Variants in TAFA4 observed in about 807,000 individuals in gnomAD.
The protein encoded by TAFA4 is chemokine-like protein TAFA-4.
Under a neutral mutation model 21.1 loss-of-function variants are expected in TAFA4, and 20 were observed. The observed-to-expected ratio is 0.95, with a 90% CI of 0.67 to 1.38. TAFA4 has a LOEUF of 1.38. TAFA4 is among the 40% of genes most tolerant of loss of function. TAFA4 has a pLI of 0.00. For missense variants in TAFA4, 211 were observed against 180.9 expected (o/e 1.17, Z -0.95); for synonymous variants, 71 against 67.4 (o/e 1.05, Z -0.26).
intron 3 of TAFA4, among the ~76,000 whole-genome samples, chr3:68,821,220 G>C (rs145285852): frequency 2.6e-5 from 4 of 151,850 alleles, no homozygotes; most frequent in Non-Finnish European, 4.4e-5. Flanking sequence ...TAATTTCAGT[G>C]AGGACTCACA....
At chr3:68,910,379 G>A (rs1223220504) in intron 1 of TAFA4, among the ~76,000 whole-genome samples, 2 of 152,196 alleles carry the variant, frequency 1.3e-5, no homozygotes, top group East Asian at 3.9e-4. Context: ...TAATAGTACA[G>A]TGGAATCATG....
At chr3:68,793,895 G>A (rs1575610936) in intron 3 of TAFA4, among the ~76,000 whole-genome samples, 1 of 152,154 alleles carries the variant, frequency 6.6e-6, no homozygotes, top group African/African-American at 2.4e-5. Flanking sequence ...GTTTAATGGT[G>A]TAATCAAAAA....
chr3:68,759,031 G>T (rs72922898), intron 3 of TAFA4, among the ~76,000 whole-genome samples: 70 of 152,276 alleles, frequency 4.6e-4, no homozygotes, highest in African/African-American at 1.6e-3. Context: ...AGAACCAGGA[G>T]AGCCAATGGT....
At chr3:68,899,113 T>C (rs1575663782) in intron 1 of TAFA4, among the ~76,000 whole-genome samples, 2 of 152,240 alleles carry the variant, frequency 1.3e-5, no homozygotes, top group African/African-American at 2.4e-5. Context: ...TTCAGCCACA[T>C]ATCTACTTTT....
At chr3:68,764,146 G>A (rs1702806908) in intron 3 of TAFA4, among the ~76,000 whole-genome samples, 1 of 152,030 alleles carries the variant, frequency 6.6e-6, no homozygotes, top group South Asian at 2.1e-4. Context: ...GGTAATTAAG[G>A]TTAAATAGGT....
chr3:68,749,335 T>A lies in TAFA4; in HGVS notation c.286+3528A>T, dbSNP rs116889256. Among the ~76,000 whole-genome samples the A allele has an allele frequency of 2.0e-5, 3 of 152,256 alleles. No homozygotes were observed. The East Asian group carries it at 5.8e-4, about 30-fold the overall frequency. On this transcript the variant is annotated intron_variant, in intron 4 of 5. Coordinates refer to ENST00000295569, the MANE Select transcript of TAFA4 (RefSeq NM_182522.5). ...ATTCCAGTTTCTATGTCGGCATTAA[T>A]TAGTGCCCCATGCCAACATCTTCTT...
At chr3:68,827,578 C>T (rs1358054503) in intron 3 of TAFA4, among the ~76,000 whole-genome samples, 2 of 152,198 alleles carry the variant, frequency 1.3e-5, no homozygotes, top group African/African-American at 2.4e-5. Context: ...GATCGCCATT[C>T]TAACTGGCAA....
At chr3:68,804,487 G>A (rs1182184277) in intron 3 of TAFA4, among the ~76,000 whole-genome samples, 3 of 152,150 alleles carry the variant, frequency 2.0e-5, no homozygotes, top group Non-Finnish European at 4.4e-5. Flanking sequence ...AGCCCACACT[G>A]CCAAGTCAAT....
intron 1 of TAFA4, among the ~76,000 whole-genome samples, chr3:68,929,895 T>C (rs1012186812): frequency 1.3e-5 from 2 of 152,240 alleles, no homozygotes; most frequent in Non-Finnish European, 2.9e-5. Flanking sequence ...AATATGATAA[T>C]ATGACTTTTG....
chr3:68,752,981 G>C lies in TAFA4; in HGVS notation c.168C>G (p.Val56=), dbSNP rs201978822. 9 of 1,613,610 alleles carry C rather than the reference G, an allele frequency of 5.6e-6. No individual in the cohort carries two copies. Among genetic ancestry groups the C allele is most frequent in the African/African-American group, 1.3e-5 (1 of 74,852 alleles). Residue 56 remains valine, a synonymous_variant, in exon 4 of 6, where the codon GTC becomes GTG. Coordinates refer to ENST00000295569, the MANE Select transcript of TAFA4 (RefSeq NM_182522.5). ...TCTTATTGCAGCACCTGTGCACGGC[G>C]ACCACCTCACAGGTCCCTTGCTTGA... ...HQIKQGTCEV[V]AVHRCCNKNR...
intron 3 of TAFA4, among the ~76,000 whole-genome samples, chr3:68,878,231 T>G (rs1020680444): frequency 3.3e-5 from 5 of 152,222 alleles, no homozygotes; most frequent in Non-Finnish European, 5.9e-5. Flanking sequence ...ATGGAACTAT[T>G]AAAGTGAACG....
intron 3 of TAFA4, among the ~76,000 whole-genome samples, chr3:68,786,352 G>A (rs1703261420): frequency 6.6e-6 from 1 of 152,186 alleles, no homozygotes; most frequent in African/African-American, 2.4e-5. Context: ...TACAGTACCA[G>A]CTACCCAGGA....
At chr3:68,907,626 G>A (rs1054569299) in intron 1 of TAFA4, among the ~76,000 whole-genome samples, 1 of 152,086 alleles carries the variant, frequency 6.6e-6, no homozygotes, top group African/African-American at 2.4e-5. Flanking sequence ...CAGGGGAGAG[G>A]GGACACTGTT....
chr3:68,901,369 A>T (rs1402321913), intron 1 of TAFA4, among the ~76,000 whole-genome samples: 1 of 152,126 alleles, frequency 6.6e-6, no homozygotes, highest in East Asian at 1.9e-4. Context: ...TTCTGTATTG[A>T]TCTAAATAGA....
intron 3 of TAFA4, among the ~76,000 whole-genome samples, chr3:68,830,064 T>A (rs1469640132): frequency 6.6e-6 from 1 of 151,898 alleles, no homozygotes; most frequent in African/African-American, 2.4e-5. Context: ...TGCGTCTACT[T>A]GATTCTTCTC....
chr3:68,898,503 A>G (rs1339929231), intron 1 of TAFA4, among the ~76,000 whole-genome samples: 1 of 152,162 alleles, frequency 6.6e-6, no homozygotes, highest in African/African-American at 2.4e-5. Context: ...AAAATTAGCC[A>G]GGCATAGTGG....
At chr3:68,793,980 G>A (rs1229015999) in intron 3 of TAFA4, among the ~76,000 whole-genome samples, 2 of 152,178 alleles carry the variant, frequency 1.3e-5, no homozygotes, top group Non-Finnish European at 2.9e-5. Context: ...AAAGTGGACA[G>A]GTTGTCAGAA....
intron 3 of TAFA4, among the ~76,000 whole-genome samples, chr3:68,775,210 C>T (rs1399119959): frequency 3.3e-5 from 5 of 152,276 alleles, no homozygotes; most frequent in Non-Finnish European, 5.9e-5. Flanking sequence ...GGAATTTGTA[C>T]TCACTCTTTT....
chr3:68,823,295 A>C (rs1408656170), intron 3 of TAFA4, among the ~76,000 whole-genome samples: 1 of 152,242 alleles, frequency 6.6e-6, no homozygotes, highest in Non-Finnish European at 1.5e-5. Context: ...AAAATGCAGT[A>C]GTATTAGCAG....
Sources: gnomAD v4.1 joint callset for allele counts (sites outside exome capture counted in the v4.1 genomes callset) on GRCh38, gnomAD v4.1.1 for gene constraint, MANE v1.5 for transcripts, NCBI Gene and HGNC (gene_info 2026-07-23, HGNC 2026-07-21) for gene names.